The following LRP1B variants were observed in gnomAD, a reference collection of about 807,000 sequenced individuals.
LRP1B encodes the protein low-density lipoprotein receptor-related protein 1B.
In LRP1B, 217 loss-of-function variants were observed where a neutral mutation model predicts 556.6. The ratio of observed to expected loss-of-function variants is 0.39; its 90% CI spans 0.35 to 0.44. The LOEUF is 0.44. LRP1B is among the 20% of genes least tolerant of loss of function. The probability of loss-of-function intolerance (pLI) is 1.00; values close to 1 mark genes in which losing one functional copy is unlikely to be tolerated. For missense variants in LRP1B, 5,053 were observed against 5,620.8 expected (o/e 0.90, Z 3.23); for synonymous variants, 2,047 against 1,865.8 (o/e 1.10, Z -2.50).
chr2:140,884,682 T>G (rs746686386), intron 24 of LRP1B, among the ~76,000 whole-genome samples: 2 of 152,194 alleles, frequency 1.3e-5, no homozygotes, highest in Non-Finnish European at 2.9e-5. Flanking sequence ...TTATCCACTA[T>G]TGAATTTCTT....
At chr2:141,526,243 T>C (rs1233932440) in intron 2 of LRP1B, among the ~76,000 whole-genome samples, 1 of 152,064 alleles carries the variant, frequency 6.6e-6, no homozygotes, top group Non-Finnish European at 1.5e-5. Flanking sequence ...TCAATGTTTC[T>C]CTTTAGTAGC....
chr2:141,810,249 T>A (rs1696314714), intron 2 of LRP1B, 30 bp downstream of exon 2: 2 of 1,609,434 alleles, frequency 1.2e-6, no homozygotes, highest in East Asian at 4.5e-5. Context: ...GTAAGGTAAA[T>A]CCGAATGGCA....
At chr2:141,741,453 C>A (rs1033897261) in intron 2 of LRP1B, among the ~76,000 whole-genome samples, 1 of 151,812 alleles carries the variant, frequency 6.6e-6, no homozygotes, top group East Asian at 1.9e-4. Flanking sequence ...CACTTCCTTG[C>A]CAGCATTTGT....
intron 3 of LRP1B, among the ~76,000 whole-genome samples, chr2:141,304,568 C>A (rs900260409): frequency 1.3e-5 from 2 of 150,064 alleles, no homozygotes; most frequent in African/African-American, 4.9e-5. Context: ...CAACCTCCAC[C>A]TCCTGGGTTC....
intron 27 of LRP1B, among the ~76,000 whole-genome samples, chr2:140,856,811 T>A (rs933876428): frequency 1.6e-4 from 24 of 152,032 alleles, no homozygotes; most frequent in Non-Finnish European, 3.1e-4. Flanking sequence ...CTATGGTATC[T>A]ATTATTGTGT....
At chr2:140,545,816 C>T (rs1439049958) in intron 43 of LRP1B, among the ~76,000 whole-genome samples, 2 of 151,934 alleles carry the variant, frequency 1.3e-5, no homozygotes, top group African/African-American at 2.4e-5. Flanking sequence ...GTAGTTTAAC[C>T]AGAATAGTAT....
At chr2:141,261,852 T>C (rs1422644856) in intron 3 of LRP1B, among the ~76,000 whole-genome samples, 2 of 152,292 alleles carry the variant, frequency 1.3e-5, no homozygotes, top group Admixed American at 1.3e-4. Flanking sequence ...TCTATAAATA[T>C]TTACATACAG....
chr2:141,289,832 T>C (rs530838039), intron 3 of LRP1B, among the ~76,000 whole-genome samples: 68 of 152,342 alleles, frequency 4.5e-4, no homozygotes, highest in South Asian at 1.2e-3. Context: ...AAAATCCGAA[T>C]ATTTGAGTTT....
chr2:141,312,901 G>A (rs543007840), intron 3 of LRP1B, among the ~76,000 whole-genome samples: 1 of 152,006 alleles, frequency 6.6e-6, no homozygotes, highest in African/African-American at 2.4e-5. Context: ...GGCTGGTCTC[G>A]AACTCCTGAC....
chr2:141,636,246 G>T (rs1164927228), intron 2 of LRP1B, among the ~76,000 whole-genome samples: 1 of 152,022 alleles, frequency 6.6e-6, no homozygotes, highest in African/African-American at 2.4e-5. Flanking sequence ...ATACAAAAAG[G>T]ATTACTATCT....
At chr2:141,408,823 T>G (rs970279177) in intron 3 of LRP1B, among the ~76,000 whole-genome samples, 3 of 152,164 alleles carry the variant, frequency 2.0e-5, no homozygotes, top group African/African-American at 7.2e-5. Flanking sequence ...TCAAAATATA[T>G]TTATTCTTCC....
intron 50 of LRP1B, among the ~76,000 whole-genome samples, chr2:140,515,849 T>C (rs899042601): frequency 3.3e-5 from 5 of 152,084 alleles, no homozygotes; most frequent in Non-Finnish European, 7.4e-5. Context: ...CATTTACTTT[T>C]AGGAGAGTTT....
At chr2:141,005,216 T>C in intron 15 of LRP1B, 119 bp downstream of exon 15, 1 of 1,112,578 alleles carries the variant, frequency 9.0e-7, no homozygotes, top group Non-Finnish European at 1.2e-6. Context: ...AAGAATTATA[T>C]CTAAATAATT....
chr2:141,799,808 C>CTGTGTGTGTGTGTGTGTGTGTG (rs145191262), intron 2 of LRP1B, among the ~76,000 whole-genome samples: 1 of 147,624 alleles, frequency 6.8e-6, no homozygotes, highest in African/African-American at 2.5e-5. Flanking sequence ...AAGAGTGTGT[C>CTGTGTGTGTGTGTGTGTGTGTG]TGTGTGTGTG....
intron 6 of LRP1B, among the ~76,000 whole-genome samples, chr2:141,209,351 GCTAACA>G (rs986209700): frequency 4.6e-5 from 7 of 152,078 alleles, no homozygotes; most frequent in African/African-American, 1.7e-4. Context: ...TCTCCTTGCT[GCTAACA>G]TGTGAAGAAA....
chr2:142,108,593 C>T (rs1202858102), intron 1 of LRP1B, among the ~76,000 whole-genome samples: 1 of 152,108 alleles, frequency 6.6e-6, no homozygotes, highest in Non-Finnish European at 1.5e-5. Flanking sequence ...CCTATATTTG[C>T]TTTCATGTGA....
rs559722477 is a variant in LRP1B, at chr2:140,631,660, C to T, written c.6800-30021G>A. Reference sequence around the variant, plus strand: ...AAACGAACAGAACATTTAAGAATAGCGACACAATTTTAACTGGCATAATAT... The same window carrying T: ...AAACGAACAGAACATTTAAGAATAGTGACACAATTTTAACTGGCATAATAT... On this transcript the variant is annotated intron_variant, in intron 41 of 90. Coordinates refer to ENST00000389484, the MANE Select transcript of LRP1B (RefSeq NM_018557.3). 3.9e-5 allele frequency among the ~76,000 whole-genome samples: 6 copies of T among 152,052 alleles called. No individual in the cohort carries two copies. The South Asian group carries it at 6.2e-4, about 16-fold the overall frequency.
chr2:141,921,718 G>A (rs1382123972), intron 1 of LRP1B, among the ~76,000 whole-genome samples: 1 of 152,010 alleles, frequency 6.6e-6, no homozygotes, highest in Admixed American at 6.6e-5. Flanking sequence ...AAAATAATTT[G>A]TTTTACTTGA....
At chr2:142,025,742 C>G (rs1278001977) in intron 1 of LRP1B, among the ~76,000 whole-genome samples, 1 of 152,100 alleles carries the variant, frequency 6.6e-6, no homozygotes, top group Admixed American at 6.6e-5. Context: ...GCATAAATTT[C>G]ACACTGTGTG....
Sources: allele counts gnomAD v4.1 joint callset (sites outside exome capture counted in the v4.1 genomes callset), GRCh38; gene constraint gnomAD v4.1.1; transcripts MANE v1.5; gene names NCBI Gene and HGNC (gene_info 2026-07-23, HGNC 2026-07-21).